Variants in PCDHGA9 observed in about 807,000 individuals in gnomAD.
The protein encoded by PCDHGA9 is protocadherin gamma subfamily A, 9, also known as protocadherin gamma-A9.
PCDHGA9 carries 37 observed loss-of-function variants against 62.5 expected under a neutral mutation model. That is an observed-to-expected ratio of 0.59 (90% CI 0.46 to 0.78). The LOEUF (loss-of-function observed/expected upper bound fraction) is 0.78. PCDHGA9 is among the 30% of genes least tolerant of loss of function. The probability of loss-of-function intolerance (pLI) is 0.00; values close to 1 mark genes in which losing one functional copy is unlikely to be tolerated. For missense variants in PCDHGA9, 1,138 were observed against 1,166.2 expected (o/e 0.98, Z 0.35); for synonymous variants, 459 against 484.6 (o/e 0.95, Z 0.69).
At position 141,476,290 on chromosome 5, in the gene PCDHGA9, C is replaced by T. The variant is rs768208156; in HGVS notation, c.2425-18517C>T. ...TGGTCGCGAACCTTGGTTTGGATCT[C>T]GGTAGCCTCTCAGCCCGCAGGTTCC... On this transcript the variant is annotated intron_variant, in intron 1 of 3. Coordinates refer to ENST00000573521, the MANE Select transcript of PCDHGA9 (RefSeq NM_018921.3). The surrounding 1 kb of genome is among the most constrained non-coding windows in gnomAD (Gnocchi z 7.6). 1.7e-5 allele frequency: 27 copies of T among 1,613,932 alleles called. No individual in the cohort carries two copies. Among genetic ancestry groups the T allele is most frequent in the Non-Finnish European group, 2.3e-5 (27 of 1,180,018 alleles).
chr5:141,419,571 G>C, intron 1 of PCDHGA9: 1 of 1,611,704 alleles, frequency 6.2e-7, no homozygotes. Context: ...GGTCCCGACG[G>C]CTCCGCGCTC....
chr5:141,470,911 G>C (rs1208467445), intron 1 of PCDHGA9, among the ~76,000 whole-genome samples: 1 of 151,916 alleles, frequency 6.6e-6, no homozygotes, highest in African/African-American at 2.4e-5. Context: ...AGATGGGACT[G>C]TCCCTATGTT....
chr5:141,427,711 A>T, intron 1 of PCDHGA9: 1 of 1,036,498 alleles, frequency 9.6e-7, no homozygotes, highest in Non-Finnish European at 1.5e-6. Context: ...AGCGCCTCTG[A>T]CCTGGACCTA....
intron 1 of PCDHGA9, chr5:141,412,841 G>C (rs1285924844): frequency 4.9e-6 from 1 of 205,932 alleles, no homozygotes; most frequent in East Asian, 1.1e-4. Flanking sequence ...AAAGATAGGA[G>C]TGGAGAAACC....
At chr5:141,459,263 C>T (rs2098964603) in intron 1 of PCDHGA9, among the ~76,000 whole-genome samples, 1 of 152,176 alleles carries the variant, frequency 6.6e-6, no homozygotes, top group South Asian at 2.1e-4. Flanking sequence ...ATTAGTGTTG[C>T]CTCTTTCAGA....
chr5:141,413,366 C>T (rs1452603006), intron 1 of PCDHGA9: 2 of 1,613,958 alleles, frequency 1.2e-6, no homozygotes, highest in Middle Eastern at 1.7e-4. Flanking sequence ...CGGGAGCTGG[C>T]GGAGCGCGGA....
intron 3 of PCDHGA9, 73 bp from the exon 4 acceptor site, chr5:141,510,874 G>C: frequency 6.2e-7 from 1 of 1,610,126 alleles, no homozygotes; most frequent in Non-Finnish European, 8.5e-7. Context: ...TTCATTAACT[G>C]CTGGGGATAT....
intron 1 of PCDHGA9, among the ~76,000 whole-genome samples, chr5:141,437,331 A>G (rs2097876062): frequency 6.6e-6 from 1 of 152,244 alleles, no homozygotes; most frequent in Non-Finnish European, 1.5e-5. Context: ...TAAAATTTGT[A>G]GCTTCACTGT....
intron 1 of PCDHGA9, chr5:141,420,319 G>T (rs1393746531): frequency 7.0e-7 from 1 of 1,437,422 alleles, no homozygotes; most frequent in African/African-American, 1.4e-5. Context: ...ATTACAATAT[G>T]CCAATATATT....
intron 1 of PCDHGA9, among the ~76,000 whole-genome samples, chr5:141,434,495 G>A (rs1414485396): frequency 6.6e-6 from 1 of 152,220 alleles, no homozygotes; most frequent in Non-Finnish European, 1.5e-5. Flanking sequence ...GGCCCGCCCA[G>A]GGCAGAAAAC....
intron 1 of PCDHGA9, among the ~76,000 whole-genome samples, chr5:141,464,525 A>G (rs919668801): frequency 3.3e-5 from 5 of 152,064 alleles, no homozygotes; most frequent in Non-Finnish European, 5.9e-5. Context: ...AGGCATATGT[A>G]GTTTTGTTAA....
chr5:141,432,133 C>T lies in PCDHGA9; in HGVS notation c.2424+26757C>T, dbSNP rs1468632362. The stretch of plus-strand genomic sequence containing the variant: ...CGGTCTTCCCTCAGGCCTCCTATTC[C>T]GCTTATATCCCAGAGAACAATCCCA... On this transcript the variant is annotated intron_variant, in intron 1 of 3. Transcript: ENST00000573521. This position sits in a 1 kb window ranked among gnomAD's most constrained non-coding sequence, Gnocchi z 6.0. 9 of 1,614,142 alleles carry T rather than the reference C, an allele frequency of 5.6e-6. No homozygotes were observed. The highest frequency in any genetic ancestry group is 1.6e-4 in the Middle Eastern group (1 of 6,062).
Position 141,404,888 on chromosome 5 carries a change from G to A in PCDHGA9, c.1936G>A (p.Val646Ile), listed in dbSNP as rs778498828. Reference sequence around the variant, plus strand: ...GCTCAAACAGAGCCTTGTGGTGGCTGTACAGGACCATGGCCAGCCCCCTCT... The same window carrying A: ...GCTCAAACAGAGCCTTGTGGTGGCTATACAGGACCATGGCCAGCCCCCTCT... ...DALKQSLVVA[V>I]QDHGQPPLSA... The change falls in exon 1 of 4, where the codon GTA becomes ATA. Residue 646 changes from valine to isoleucine, a missense_variant. Transcript: ENST00000573521. The A allele has an allele frequency of 5.6e-6, 9 of 1,613,762 alleles. No homozygotes were observed. Among genetic ancestry groups the A allele is most frequent in the East Asian group, 2.2e-5 (1 of 44,876 alleles).
At position 141,423,457 on chromosome 5, in the gene PCDHGA9, G is replaced by A. The variant is rs148481587; in HGVS notation, c.2424+18081G>A. 6.9e-5 allele frequency: 111 copies of A among 1,614,010 alleles called. 2 individuals carry two copies. The South Asian group carries it at 9.3e-4, about 14-fold the overall frequency. ...TATGCCCACGTCACATTTTGTAGGC[G>A]TGGACGGGGTACAGGCTTTCCTGCA... On this transcript the variant is annotated intron_variant, in intron 1 of 3. Coordinates refer to ENST00000573521, the MANE Select transcript of PCDHGA9 (RefSeq NM_018921.3).
At chr5:141,460,122 G>A (rs530307574) in intron 1 of PCDHGA9, among the ~76,000 whole-genome samples, 2 of 151,928 alleles carry the variant, frequency 1.3e-5, no homozygotes, top group African/African-American at 4.8e-5. Flanking sequence ...TTTTATATAT[G>A]TAATATATAT....
Position 141,477,393 on chromosome 5 carries a change from G to A in PCDHGA9, c.2425-17414G>A, listed in dbSNP as rs1397453429. On this transcript the variant is annotated intron_variant, in intron 1 of 3. Transcript: ENST00000573521. This position sits in a 1 kb window ranked among gnomAD's most constrained non-coding sequence, Gnocchi z 4.9. The stretch of plus-strand genomic sequence containing the variant: ...GAGACTGTGCCAGAATACAACCTCA[G>A]CATCACCGCCCGAGACGCCGGAACC... The A allele has an allele frequency of 5.6e-6, 9 of 1,614,098 alleles. No individual in the cohort carries two copies. Among genetic ancestry groups the A allele is most frequent in the Non-Finnish European group, 7.6e-6 (9 of 1,180,028 alleles).
At chr5:141,430,945 C>G (rs1466092130) in intron 1 of PCDHGA9, 1 of 1,609,234 alleles carries the variant, frequency 6.2e-7, no homozygotes, top group Non-Finnish European at 8.5e-7. Context: ...TCGCGGAGCG[C>G]GGAGTCCGCA....
Position 141,405,359 on chromosome 5 carries a change from GAC to G in PCDHGA9, c.2410_2411del (p.Thr804ProfsTer30). The part of the protein sequence containing the change: ...VSVDSKFPIE[D>X]TPLVPQAPPN... ...TGTTGATTCCAAGTTTCCTATAGAA[GAC>G]ACCCCTTTGGTTCCGGTGAGTTCAT... On this transcript the variant is annotated frameshift_variant, in exon 1 of 4. Transcript: ENST00000573521. LOFTEE classifies it high-confidence loss of function. 6.2e-7 allele frequency: 1 copy of G among 1,614,018 alleles called. No homozygotes were observed. Among genetic ancestry groups the G allele is most frequent in the Admixed American group, 1.7e-5 (1 of 60,012 alleles).
intron 1 of PCDHGA9, among the ~76,000 whole-genome samples, chr5:141,461,983 C>T (rs1390320490): frequency 6.6e-6 from 1 of 152,192 alleles, no homozygotes. Flanking sequence ...GCCACCACGC[C>T]AGGCTAATTT....
Sources: allele counts gnomAD v4.1 joint callset (sites outside exome capture counted in the v4.1 genomes callset), GRCh38; gene constraint gnomAD v4.1.1; non-coding constraint Gnocchi (gnomAD v3.1); transcripts MANE v1.5; gene names NCBI Gene and HGNC (gene_info 2026-07-23, HGNC 2026-07-21).